Variants in GPR149 observed in about 807,000 individuals in gnomAD.
GPR149 encodes the protein G protein-coupled receptor 149.
GPR149 carries 50 observed loss-of-function variants against 50.2 expected under a neutral mutation model. That is an observed-to-expected ratio of 1.00 (90% CI 0.79 to 1.26). GPR149 has a LOEUF of 1.26. GPR149 is among the 50% of genes most tolerant of loss of function. The pLI is 0.00. For missense variants in GPR149, 983 were observed against 895.4 expected (o/e 1.10, Z -1.25); for synonymous variants, 405 against 358.2 (o/e 1.13, Z -1.48).
intron 2 of GPR149, among the ~76,000 whole-genome samples, chr3:154,422,526 G>A (rs901117155): frequency 1.3e-5 from 2 of 151,618 alleles, no homozygotes; most frequent in African/African-American, 4.8e-5. Flanking sequence ...TGTATGAAAA[G>A]CTATAATCTT....
intron 3 of GPR149, among the ~76,000 whole-genome samples, chr3:154,417,367 TGC>T (rs915091841): frequency 1.4e-4 from 22 of 152,024 alleles, no homozygotes; most frequent in African/African-American, 5.3e-4. Context: ...GCCATTGTAT[TGC>T]CATAATTTCT....
chr3:154,343,167 A>G (rs1014773487), intron 3 of GPR149, among the ~76,000 whole-genome samples: 7 of 152,332 alleles, frequency 4.6e-5, no homozygotes, highest in Admixed American at 3.9e-4. Context: ...TGTTAAAAAT[A>G]GTCATGAGAA....
intron 3 of GPR149, among the ~76,000 whole-genome samples, chr3:154,376,701 T>C (rs1576912901): frequency 6.6e-6 from 1 of 152,196 alleles, no homozygotes; most frequent in Admixed American, 6.5e-5. Flanking sequence ...GAGAGCTTTA[T>C]CTAAAAATAT....
intron 3 of GPR149, among the ~76,000 whole-genome samples, chr3:154,372,932 T>C (rs1317281384): frequency 6.6e-6 from 1 of 152,170 alleles, no homozygotes; most frequent in South Asian, 2.1e-4. Flanking sequence ...AGATAATAAA[T>C]TCAGTGTTGT....
intron 3 of GPR149, among the ~76,000 whole-genome samples, chr3:154,392,219 C>A (rs1385013657): frequency 6.6e-6 from 1 of 151,716 alleles, no homozygotes; most frequent in African/African-American, 2.4e-5. Context: ...TCCTCTTTTC[C>A]AATCACAATA....
intron 3 of GPR149, among the ~76,000 whole-genome samples, chr3:154,418,915 A>C (rs1288568569): frequency 6.6e-6 from 1 of 152,104 alleles, no homozygotes; most frequent in South Asian, 2.1e-4. Context: ...CTAACCTTAA[A>C]GACCACAGGT....
intron 3 of GPR149, among the ~76,000 whole-genome samples, chr3:154,357,214 G>A (rs4423729): frequency 0.14 from 21,051 of 151,568 alleles, 1,996 homozygotes; most frequent in East Asian, 0.46. Context: ...TGTTAGACCT[G>A]AAACCATAAA....
chr3:154,385,777 T>C (rs1715032051), intron 3 of GPR149, among the ~76,000 whole-genome samples: 1 of 151,816 alleles, frequency 6.6e-6, no homozygotes, highest in Admixed American at 6.6e-5. Flanking sequence ...TCTTGGCTCA[T>C]TGCAAGCTCC....
At position 154,338,236 on chromosome 3, in the gene GPR149, T is replaced by C. The variant is rs1474404470; in HGVS notation, c.1659A>G (p.Ala553=). Residue 553 remains alanine, a synonymous_variant, in exon 4 of 4, where the codon GCA becomes GCG. Transcript: ENST00000389740. The part of the protein sequence containing the change: ...SGYALAIPLC[A]FQGTVSLHAP... Reference sequence around the variant, plus strand: ...CATGGAGAGACACAGTCCCCTGGAATGCACACAAGGGAATGGCAAGGGCAT... The same window carrying C: ...CATGGAGAGACACAGTCCCCTGGAACGCACACAAGGGAATGGCAAGGGCAT... 1.3e-6 allele frequency: 2 copies of C among 1,598,650 alleles called. No homozygotes were observed. The highest frequency in any genetic ancestry group is 1.7e-6 in the Non-Finnish European group (2 of 1,173,180).
intron 3 of GPR149, among the ~76,000 whole-genome samples, chr3:154,417,508 T>A (rs940842883): frequency 2.0e-5 from 3 of 152,102 alleles, no homozygotes; most frequent in African/African-American, 7.2e-5. Flanking sequence ...GCTCACTAAA[T>A]ATGTTTAAAA....
chr3:154,354,110 T>C (rs1211039346), intron 3 of GPR149: 8 of 498,238 alleles, frequency 1.6e-5, no homozygotes, highest in Non-Finnish European at 3.1e-5. Flanking sequence ...CCTTCTTCAG[T>C]GTCTCCATTT....
chr3:154,429,411 T>G lies in GPR149; in HGVS notation c.205A>C (p.Met69Leu). Residue 69 changes from methionine (M) to leucine (L), a missense_variant, in exon 1 of 4, where the codon ATG becomes CTG. Met to Leu is a conservative substitution (Grantham distance 15). Transcript: ENST00000389740. ...LKMQNRTVVS[M>L]LVASWSVDDL... ...TCCACAGACCAGGAAGCCACAAGCA[T>G]GGACACAACAGTTCTGTTCTGCATT... The G allele has an allele frequency of 6.2e-7, 1 of 1,614,178 alleles. No individual in the cohort carries two copies.
At chr3:154,412,131 A>C (rs375728822) in intron 3 of GPR149, among the ~76,000 whole-genome samples, 7 of 152,186 alleles carry the variant, frequency 4.6e-5, no homozygotes, top group African/African-American at 1.7e-4. Context: ...CAGAAAAAGC[A>C]TTTGACAAAA....
chr3:154,344,180 T>G (rs1713870587), intron 3 of GPR149, among the ~76,000 whole-genome samples: 1 of 152,184 alleles, frequency 6.6e-6, no homozygotes, highest in Admixed American at 6.5e-5. Flanking sequence ...ACTAGAAAAC[T>G]GTTATAAACA....
chr3:154,341,826 T>G (rs1713806056), intron 3 of GPR149, among the ~76,000 whole-genome samples: 1 of 152,074 alleles, frequency 6.6e-6, no homozygotes, highest in Non-Finnish European at 1.5e-5. Context: ...CTACAGCAAT[T>G]AATACAGGGT....
intron 2 of GPR149, 25 bp from the exon 3 acceptor site, chr3:154,421,512 T>A: frequency 7.8e-7 from 1 of 1,285,268 alleles, no homozygotes; most frequent in Non-Finnish European, 1.1e-6. Context: ...AAACAACAGT[T>A]TATGGCTAGT....
intron 3 of GPR149, among the ~76,000 whole-genome samples, chr3:154,357,675 C>T (rs1295095382): frequency 2.6e-5 from 4 of 152,188 alleles, no homozygotes; most frequent in Non-Finnish European, 5.9e-5. Flanking sequence ...AATAGGAACA[C>T]TTTTACACTG....
In GPR149 at chr3:154,357,420, C is replaced by T. The variant is rs549740125; in HGVS notation, c.1624-19149G>A. Among the ~76,000 whole-genome samples, 1,172 of 151,452 alleles carry T rather than the reference C, an allele frequency of 7.7e-3. 12 individuals are homozygous for T. Among genetic ancestry groups the T allele is most frequent in the African/African-American group, 0.027 (1,127 of 41,288 alleles). ...AACCTACAAAATGGGAGAAAATTTTCGCAACCTACTCATCTGACAAAGGGC... is the reference window on the plus strand; with the variant it reads ...AACCTACAAAATGGGAGAAAATTTTTGCAACCTACTCATCTGACAAAGGGC... On this transcript the variant is annotated intron_variant, in intron 3 of 3. Coordinates refer to ENST00000389740, the MANE Select transcript of GPR149 (RefSeq NM_001038705.3).
At chr3:154,395,713 C>T (rs1715274541) in intron 3 of GPR149, among the ~76,000 whole-genome samples, 1 of 151,974 alleles carries the variant, frequency 6.6e-6, no homozygotes, top group African/African-American at 2.4e-5. Context: ...GGAGGATCCT[C>T]GAGCCCAAAA....
Sources: gnomAD v4.1 joint callset for allele counts (sites outside exome capture counted in the v4.1 genomes callset) on GRCh38, gnomAD v4.1.1 for gene constraint, MANE v1.5 for transcripts, NCBI Gene and HGNC (gene_info 2026-07-23, HGNC 2026-07-21) for gene names.